NEMP2: variants seen among roughly 807,000 people sequenced by gnomAD.
NEMP2 encodes UPF0571 transmembrane protein.
In NEMP2, 53 loss-of-function variants were observed where a neutral mutation model predicts 54.2. The observed-to-expected ratio is 0.98, with a 90% CI of 0.78 to 1.23. NEMP2 has a LOEUF of 1.23. NEMP2 is among the 50% of genes most tolerant of loss of function. The pLI is 0.00. For synonymous variants in NEMP2, 197 were observed against 190.3 expected (o/e 1.04, Z -0.29); for missense variants, 455 against 511.3 (o/e 0.89, Z 1.06).
the NEMP2 span, among the ~76,000 whole-genome samples, chr2:190,581,673 A>T: frequency 6.6e-6 from 1 of 152,324 alleles, no homozygotes; most frequent in Middle Eastern, 3.4e-3. Context: ...TTTTTCCTAT[A>T]AAAACATAGC....
the NEMP2 span, among the ~76,000 whole-genome samples, chr2:190,571,953 A>T: frequency 3.9e-5 from 6 of 152,162 alleles, no homozygotes; most frequent in African/African-American, 1.4e-4. Context: ...CATCCCCTGC[A>T]CTACAGCATG....
chr2:190,604,070 G>C, the NEMP2 span, among the ~76,000 whole-genome samples: 1 of 152,186 alleles, frequency 6.6e-6, no homozygotes, highest in South Asian at 2.1e-4. The surrounding 1 kb of genome is among the most constrained non-coding windows in gnomAD (Gnocchi z 4.5). Flanking sequence ...TAAAATGAAA[G>C]AATGTGTCGC....
chr2:190,436,050 T>C, the NEMP2 span: 1 of 1,611,316 alleles, frequency 6.2e-7, no homozygotes, highest in Non-Finnish European at 8.5e-7. This position sits in a 1 kb window ranked among gnomAD's most constrained non-coding sequence, Gnocchi z 5.3. Context: ...ATAAAGTTGC[T>C]ATCTTAACGG....
At chr2:190,497,508 T>C in the NEMP2 span, 3 of 1,614,190 alleles carry the variant, frequency 1.9e-6, no homozygotes, top group Non-Finnish European at 8.5e-7. The surrounding 1 kb of genome is among the most constrained non-coding windows in gnomAD (Gnocchi z 5.2). Context: ...ATCGACTTGG[T>C]ACAGCAACAG....
the NEMP2 span, among the ~76,000 whole-genome samples, chr2:190,633,452 T>A: frequency 6.6e-6 from 1 of 152,068 alleles, no homozygotes; most frequent in African/African-American, 2.4e-5. Context: ...TAGCTGGGAT[T>A]ACAGGCACCC....
the NEMP2 span, chr2:190,568,133 A>G: frequency 6.6e-6 from 1 of 152,210 alleles, no homozygotes; most frequent in Non-Finnish European, 1.5e-5. The surrounding 1 kb of genome is among the most constrained non-coding windows in gnomAD (Gnocchi z 4.7). Context: ...AGAGGAAGAC[A>G]TTGGATCCAA....
rs1293321002 is a variant in NEMP2 at position 190,522,023 on chromosome 2, GAT to G, written c.214-2842_214-2841del. 6.6e-6 allele frequency among the ~76,000 whole-genome samples: 1 copy of G among 152,142 alleles called. No homozygotes were observed. The highest frequency in any genetic ancestry group is 1.5e-5 in the Non-Finnish European group (1 of 68,032). ...ACTTTGCAAAAAAAGACACAGGAAA[GAT>G]ATACCAGAAACTACTTAAACTGATT... On this transcript the variant is annotated intron_variant, in intron 2 of 8. Transcript: ENST00000409150. The surrounding 1 kb of genome is among the most constrained non-coding windows in gnomAD (Gnocchi z 5.0).
At chr2:190,483,175 AGCCACCGCGCCCG>A in the NEMP2 span, among the ~76,000 whole-genome samples, 1 of 149,566 alleles carries the variant, frequency 6.7e-6, no homozygotes, top group African/African-American at 2.5e-5. Flanking sequence ...TACAGGCGTG[AGCCACCGCGCCCG>A]GCCGACTATC....
At chr2:190,589,550 G>T in the NEMP2 span, among the ~76,000 whole-genome samples, 1 of 152,126 alleles carries the variant, frequency 6.6e-6, no homozygotes, top group Non-Finnish European at 1.5e-5. This position sits in a 1 kb window ranked among gnomAD's most constrained non-coding sequence, Gnocchi z 4.3. Context: ...ACTGCCAACT[G>T]AAGCAATGTC....
the NEMP2 span, among the ~76,000 whole-genome samples, chr2:190,555,903 G>C: frequency 6.6e-6 from 1 of 152,186 alleles, no homozygotes; most frequent in Non-Finnish European, 1.5e-5. This position sits in a 1 kb window ranked among gnomAD's most constrained non-coding sequence, Gnocchi z 4.8. Flanking sequence ...GAGGTACAAA[G>C]AGGAACTGGT....
At chr2:190,579,912 C>G in the NEMP2 span, among the ~76,000 whole-genome samples, 1 of 152,176 alleles carries the variant, frequency 6.6e-6, no homozygotes, top group African/African-American at 2.4e-5. Flanking sequence ...GTTGACCACC[C>G]AGTTCAGACA....
the NEMP2 span, among the ~76,000 whole-genome samples, chr2:190,643,023 G>GTTTTTTTTTTTTTTTTTTTTTTT: frequency 1.3e-5 from 1 of 79,566 alleles, no homozygotes. Context: ...AATGGTTAAG[G>GTTTTTTTTTTTTTTTTTTTTTTT]TTTTTTTTTT....
the NEMP2 span, chr2:190,608,727 G>GA: frequency 6.6e-6 from 1 of 152,174 alleles, no homozygotes; most frequent in South Asian, 2.1e-4. This position sits in a 1 kb window ranked among gnomAD's most constrained non-coding sequence, Gnocchi z 4.9. Flanking sequence ...GGCTGTGTCT[G>GA]CTAATGAAGA....
In NEMP2 at chr2:190,528,774, A is replaced by G. The variant is rs1358966158; in HGVS notation, c.98-3396T>C. 4.6e-5 allele frequency among the ~76,000 whole-genome samples: 7 copies of G among 152,210 alleles called. No individual in the cohort carries two copies. Among genetic ancestry groups the G allele is most frequent in the African/African-American group, 1.7e-4 (7 of 41,460 alleles). ...TTTTGCAATCAAATGCTCTCTTCAA[A>G]TAAGGTTCTTTCCACTTGATCCTAA... On this transcript the variant is annotated intron_variant, in intron 1 of 8. Transcript: ENST00000409150. This position sits in a 1 kb window ranked among gnomAD's most constrained non-coding sequence, Gnocchi z 4.3.
chr2:190,432,103 A>G, the NEMP2 span, among the ~76,000 whole-genome samples: 1 of 152,146 alleles, frequency 6.6e-6, no homozygotes, highest in Non-Finnish European at 1.5e-5. Flanking sequence ...TATTTAGTGG[A>G]AGGTCTTGAT....
the NEMP2 span, among the ~76,000 whole-genome samples, chr2:190,560,503 T>C: frequency 1.3e-5 from 2 of 152,248 alleles, no homozygotes; most frequent in Non-Finnish European, 2.9e-5. This position sits in a 1 kb window ranked among gnomAD's most constrained non-coding sequence, Gnocchi z 5.4. Context: ...GCATACATAA[T>C]GTAAAATTAA....
the NEMP2 span, among the ~76,000 whole-genome samples, chr2:190,556,841 G>C: frequency 6.6e-6 from 1 of 152,230 alleles, no homozygotes; most frequent in East Asian, 1.9e-4. Context: ...CAAACAAATG[G>C]AAAAACATTC....
chr2:190,570,077 A>C, the NEMP2 span, among the ~76,000 whole-genome samples: 1 of 152,212 alleles, frequency 6.6e-6, no homozygotes, highest in East Asian at 1.9e-4. The surrounding 1 kb of genome is among the most constrained non-coding windows in gnomAD (Gnocchi z 5.4). Flanking sequence ...AAGAGCAACC[A>C]AATTGTTTTA....
At position 190,529,073 on chromosome 2, in the gene NEMP2, T is replaced by G. The variant is rs555675381; in HGVS notation, c.98-3695A>C. ...AAACATGAATTGGGCCCGGGTACAATGGCTCATGCCTGTAATTTCGCTTGA... is the reference window on the plus strand; with the variant it reads ...AAACATGAATTGGGCCCGGGTACAAGGGCTCATGCCTGTAATTTCGCTTGA... On this transcript the variant is annotated intron_variant, in intron 1 of 8. Coordinates refer to ENST00000409150, the MANE Select transcript of NEMP2 (RefSeq NM_001142645.2). This position sits in a 1 kb window ranked among gnomAD's most constrained non-coding sequence, Gnocchi z 4.7. 8.5e-4 allele frequency among the ~76,000 whole-genome samples: 129 copies of G among 152,116 alleles called. No homozygotes were observed. Among genetic ancestry groups the G allele is most frequent in the Non-Finnish European group, 1.6e-3 (106 of 68,016 alleles).
Sources: allele counts gnomAD v4.1 joint callset (sites outside exome capture counted in the v4.1 genomes callset), GRCh38; gene constraint gnomAD v4.1.1; non-coding constraint Gnocchi (gnomAD v3.1); transcripts MANE v1.5; gene names NCBI Gene and HGNC (gene_info 2026-07-23, HGNC 2026-07-21).